MTNAP1: variants seen among roughly 807,000 people sequenced by gnomAD.
MTNAP1 encodes mitochondrial nucleoid-associated protein 1.
chr17:73,234,733 A>G, the MTNAP1 span, among the ~76,000 whole-genome samples: 1 of 142,286 alleles, frequency 7.0e-6, no homozygotes, highest in South Asian at 2.3e-4. Flanking sequence ...GTCCTTGGCC[A>G]TGTATATATT....
chr17:73,247,778 C>T, the MTNAP1 span: 2 of 161,912 alleles, frequency 1.2e-5, no homozygotes, highest in Non-Finnish European at 2.7e-5. Context: ...AAAAAGTCTC[C>T]ACTGACTTCT....
At chr17:73,248,194 A>G in the MTNAP1 span, 2 of 365,780 alleles carry the variant, frequency 5.5e-6, no homozygotes, top group Non-Finnish European at 1.0e-5. Flanking sequence ...AGCCAGTTCC[A>G]ATCATGTATG....
the MTNAP1 span, among the ~76,000 whole-genome samples, chr17:73,241,908 G>A: frequency 0.04 from 6,018 of 152,250 alleles, 317 homozygotes; most frequent in African/African-American, 0.12. Flanking sequence ...CAGCCTGGGC[G>A]AGAGAGTGAG....
the MTNAP1 span, among the ~76,000 whole-genome samples, chr17:73,234,464 G>A: frequency 2.2e-4 from 33 of 152,102 alleles, no homozygotes; most frequent in Middle Eastern, 3.4e-3. Context: ...GGCCGAAGGC[G>A]GGCAGATCAC....
chr17:73,247,850 A>C, the MTNAP1 span: 1 of 154,976 alleles, frequency 6.5e-6, no homozygotes, highest in East Asian at 1.9e-4. Flanking sequence ...AAGCCATTGG[A>C]AACATCTCCA....
At chr17:73,243,089 T>C in the MTNAP1 span, 1 of 803,748 alleles carries the variant, frequency 1.2e-6, no homozygotes, top group African/African-American at 2.5e-5. Flanking sequence ...TTTTTTTTTT[T>C]TTTTTTTTTT....
the MTNAP1 span, among the ~76,000 whole-genome samples, chr17:73,237,564 A>C: frequency 2.6e-5 from 4 of 152,194 alleles, no homozygotes. Context: ...TACTGAAAGC[A>C]GTTGAGTTTC....
At chr17:73,246,318 A>G in the MTNAP1 span, among the ~76,000 whole-genome samples, 117 of 152,202 alleles carry the variant, frequency 7.7e-4, 1 homozygote, top group African/African-American at 2.7e-3. Flanking sequence ...CGGATCATGA[A>G]GTCAGGAGTT....
chr17:73,235,046 AC>A, the MTNAP1 span, among the ~76,000 whole-genome samples: 15 of 151,774 alleles, frequency 9.9e-5, no homozygotes, highest in African/African-American at 3.6e-4. Flanking sequence ...ACACGGTGAA[AC>A]CCCGTCTTTA....
At chr17:73,234,675 C>CT in the MTNAP1 span, among the ~76,000 whole-genome samples, 2 of 108,610 alleles carry the variant, frequency 1.8e-5, no homozygotes, top group African/African-American at 7.4e-5. Flanking sequence ...GAGTGAGACT[C>CT]TGTCTCAAAA....
the MTNAP1 span, chr17:73,247,588 T>C: frequency 4.7e-6 from 2 of 428,948 alleles, no homozygotes; most frequent in East Asian, 8.6e-5. Context: ...TTTATATCCC[T>C]GAAAATAAGT....
At chr17:73,238,178 C>T in the MTNAP1 span, among the ~76,000 whole-genome samples, 5 of 152,206 alleles carry the variant, frequency 3.3e-5, no homozygotes, top group Non-Finnish European at 7.3e-5. Context: ...TTGCTTTTCT[C>T]TGCTGAATCT....
the MTNAP1 span, among the ~76,000 whole-genome samples, chr17:73,238,244 T>C: frequency 6.6e-6 from 1 of 151,534 alleles, no homozygotes; most frequent in African/African-American, 2.4e-5. Context: ...TTCTTAAGCT[T>C]TTCTAGGGGC....
the MTNAP1 span, chr17:73,244,725 T>C: frequency 6.5e-6 from 1 of 153,518 alleles, no homozygotes; most frequent in Non-Finnish European, 1.4e-5. Flanking sequence ...AAATCACAAT[T>C]TGATGCTAAT....
chr17:73,237,445 A>G, the MTNAP1 span, among the ~76,000 whole-genome samples: 2 of 152,180 alleles, frequency 1.3e-5, no homozygotes. Flanking sequence ...CAAAAAAAAA[A>G]AATTGTCCTG....
At chr17:73,233,306 A>C in the MTNAP1 span, 1 of 152,276 alleles carries the variant, frequency 6.6e-6, no homozygotes, top group African/African-American at 2.4e-5. Context: ...CAAAACTAGC[A>C]TCCTCCTGGA....
At chr17:73,241,030 C>T in the MTNAP1 span, among the ~76,000 whole-genome samples, 18 of 152,276 alleles carry the variant, frequency 1.2e-4, no homozygotes, top group Admixed American at 6.5e-4. Flanking sequence ...AACCTGTTGT[C>T]GGTGTTTAAT....
chr17:73,241,878 A>T, the MTNAP1 span, among the ~76,000 whole-genome samples: 2 of 151,936 alleles, frequency 1.3e-5, no homozygotes, highest in Admixed American at 6.6e-5. Flanking sequence ...GCAGTGAGCC[A>T]AGATCATGCC....
chr17:73,247,402 T>A, the MTNAP1 span: 1 of 1,557,570 alleles, frequency 6.4e-7, no homozygotes, highest in Non-Finnish European at 8.9e-7. Flanking sequence ...GTGCCCTGTG[T>A]TGCCCACTGA....
Sources: allele counts gnomAD v4.1 joint callset (sites outside exome capture counted in the v4.1 genomes callset), GRCh38; gene constraint gnomAD v4.1.1; transcripts MANE v1.5; gene names NCBI Gene and HGNC (gene_info 2026-07-23, HGNC 2026-07-21).